COBLL1: variants seen among roughly 807,000 people sequenced by gnomAD.
The protein encoded by COBLL1 is cordon-bleu WH2 repeat protein like 1.
In COBLL1, 50 loss-of-function variants were observed where a neutral mutation model predicts 94.8. The ratio of observed to expected loss-of-function variants is 0.53; its 90% confidence interval spans 0.42 to 0.67. The LOEUF (loss-of-function observed/expected upper bound fraction) is 0.67, where lower values mean the gene tolerates loss of function less well. COBLL1 is among the 30% of genes least tolerant of loss of function. The pLI, the probability that COBLL1 is intolerant of heterozygous loss-of-function variation, is 0.00. For missense variants in COBLL1, 1,362 were observed against 1,348.7 expected (o/e 1.01, Z -0.15); for synonymous variants, 448 against 473.8 (o/e 0.95, Z 0.71).
At chr2:164,750,982 A>G (rs573249997) in intron 2 of COBLL1, among the ~76,000 whole-genome samples, 9 of 152,148 alleles carry the variant, frequency 5.9e-5, no homozygotes, top group Non-Finnish European at 1.2e-4. Flanking sequence ...TGTAATTCAC[A>G]CTGGCATTCT....
At chr2:164,818,336 GTATA>G (rs1019142778) in intron 2 of COBLL1, among the ~76,000 whole-genome samples, 8 of 88,898 alleles carry the variant, frequency 9.0e-5, no homozygotes, top group African/African-American at 4.0e-4. Flanking sequence ...ATACATATAT[GTATA>G]TATACATATG....
intron 2 of COBLL1, among the ~76,000 whole-genome samples, chr2:164,788,254 T>C (rs1682979916): frequency 6.6e-6 from 1 of 152,164 alleles, no homozygotes; most frequent in Non-Finnish European, 1.5e-5. Context: ...AGGCCACAAG[T>C]CTTGTTTGAC....
intron 12 of COBLL1, among the ~76,000 whole-genome samples, chr2:164,693,955 T>A (rs917126705): frequency 1.3e-5 from 2 of 152,014 alleles, no homozygotes; most frequent in African/African-American, 4.8e-5. Context: ...AAAAACAAAT[T>A]AAGATAACAC....
chr2:164,736,605 A>G (rs1686325326), intron 3 of COBLL1, among the ~76,000 whole-genome samples: 1 of 152,186 alleles, frequency 6.6e-6, no homozygotes, highest in South Asian at 2.1e-4. Flanking sequence ...AATAATTACC[A>G]TCATAAAAAT....
At chr2:164,774,326 C>T (rs1483630945) in intron 2 of COBLL1, among the ~76,000 whole-genome samples, 3 of 152,170 alleles carry the variant, frequency 2.0e-5, no homozygotes, top group Non-Finnish European at 4.4e-5. Context: ...AGCCTCAATA[C>T]GGCCAATGGA....
At chr2:164,796,705 C>CAAAAAAAAA (rs34412964) in intron 2 of COBLL1, among the ~76,000 whole-genome samples, 1 of 86,726 alleles carries the variant, frequency 1.2e-5, no homozygotes. Context: ...GCTGGCCTTC[C>CAAAAAAAAA]AAAAAAAAAA....
At chr2:164,667,984 G>T (rs1426700735) in intron 1 of COBLL1, among the ~76,000 whole-genome samples, 1 of 133,542 alleles carries the variant, frequency 7.5e-6, no homozygotes, top group Non-Finnish European at 1.5e-5. Flanking sequence ...TCACTCTATC[G>T]CCCAGGCTGG....
intron 12 of COBLL1, chr2:164,692,764 A>C (rs1197492223): frequency 6.3e-6 from 1 of 158,142 alleles, no homozygotes; most frequent in Non-Finnish European, 1.4e-5. Context: ...AAAATGACCC[A>C]TTTTCATGGT....
At chr2:164,740,430 TA>T (rs1456411313) in intron 3 of COBLL1, among the ~76,000 whole-genome samples, 3 of 152,082 alleles carry the variant, frequency 2.0e-5, no homozygotes, top group Non-Finnish European at 4.4e-5. Context: ...AAACAAAATT[TA>T]AAAAGGAATC....
At chr2:164,803,089 A>G (rs1051823266) in intron 2 of COBLL1, among the ~76,000 whole-genome samples, 16 of 152,204 alleles carry the variant, frequency 1.1e-4, no homozygotes, top group African/African-American at 3.6e-4. Flanking sequence ...AGCCTTAGTG[A>G]TCTTCTGGAA....
At chr2:164,668,461 T>C (rs1036992143) in intron 1 of COBLL1, among the ~76,000 whole-genome samples, 10 of 152,222 alleles carry the variant, frequency 6.6e-5, no homozygotes, top group African/African-American at 2.4e-4. Context: ...TGGCTGGTTG[T>C]TGGAGCAGTC....
Position 164,755,070 on chromosome 2 carries a change from C to T in COBLL1, c.42-11195G>A, listed in dbSNP as rs564688667. On this transcript the variant is annotated intron_variant, in intron 2 of 13. Transcript: ENST00000652658. ...GTCTCAGCTACTCGGTAGGCTGAGC[C>T]GGGAGGATCACTTAAGCCTGGGATG... is the stretch of plus-strand genomic sequence containing the variant. 5.9e-5 allele frequency among the ~76,000 whole-genome samples: 9 copies of T among 152,226 alleles called. No individual in the cohort carries two copies. The South Asian group carries it at 8.3e-4, about 14-fold the overall frequency.
chr2:164,813,819 T>C (rs1684577616), intron 2 of COBLL1, among the ~76,000 whole-genome samples: 1 of 152,168 alleles, frequency 6.6e-6, no homozygotes, highest in Non-Finnish European at 1.5e-5. Flanking sequence ...AGCTATTTTA[T>C]GGAAATGCAT....
At chr2:164,788,402 C>G (rs1366810888) in intron 2 of COBLL1, among the ~76,000 whole-genome samples, 1 of 152,042 alleles carries the variant, frequency 6.6e-6, no homozygotes, top group South Asian at 2.1e-4. Context: ...AAAAAATCTA[C>G]AAGTTGCTGA....
Position 164,694,981 on chromosome 2 carries a change from G to C in COBLL1, c.2411C>G (p.Thr804Arg). The C allele has an allele frequency of 6.2e-7, 1 of 1,614,024 alleles. No homozygotes were observed. Among genetic ancestry groups the C allele is most frequent in the Non-Finnish European group, 8.5e-7 (1 of 1,179,948 alleles). The change falls in exon 12 of 14, where the codon ACA (threonine) becomes AGA (arginine). Residue 804 changes from threonine to arginine, a missense_variant. Coordinates refer to ENST00000652658, the MANE Select transcript of COBLL1 (RefSeq NM_001365672.2). ...CACAGAACTGGGCACTTGATGCTCT[G>C]TTCTCAGGTTAGGCTTCGGTTTAAG... ...PNLKPKPNLR[T>R]EHQVPSSVSS...
chr2:164,709,829 G>A (rs188384652), intron 7 of COBLL1, among the ~76,000 whole-genome samples: 14 of 152,262 alleles, frequency 9.2e-5, no homozygotes, highest in Admixed American at 5.2e-4. Context: ...TGGAACTTAC[G>A]CTGTTAATAA....
At chr2:164,767,481 G>A (rs770934233) in intron 2 of COBLL1, among the ~76,000 whole-genome samples, 3 of 152,114 alleles carry the variant, frequency 2.0e-5, no homozygotes, top group Admixed American at 6.5e-5. Context: ...AAGATGCACA[G>A]ATGTAAATTC....
In COBLL1 at chr2:164,695,944, T is replaced by C. The variant is rs1683923161; in HGVS notation, c.1556-108A>G. 5.7e-6 allele frequency: 5 copies of C among 876,930 alleles called. No homozygotes were observed. In the South Asian group the frequency reaches 9.1e-5, roughly 16 times the overall value. The allele number at this position is 876,930 out of a possible 1,614,324, so 54.3% of individuals were successfully genotyped here. On this transcript the variant is annotated intron_variant, in intron 11 of 13. Transcript: ENST00000652658. ...AATAGTTTGGTTTGAATTCTACAGA[T>C]AATTTTCAACTCACTGACTATATAA...
At chr2:164,823,812 C>T (rs953141245) in intron 2 of COBLL1, among the ~76,000 whole-genome samples, 11 of 152,042 alleles carry the variant, frequency 7.2e-5, no homozygotes. Flanking sequence ...GGTTGGTATC[C>T]TCACTGCTGC....
Sources: gnomAD v4.1 joint callset for allele counts (sites outside exome capture counted in the v4.1 genomes callset) on GRCh38, gnomAD v4.1.1 for gene constraint, MANE v1.5 for transcripts, NCBI Gene and HGNC (gene_info 2026-07-23, HGNC 2026-07-21) for gene names.